SMC3: variants seen among roughly 807,000 people sequenced by gnomAD.
SMC3 encodes the protein structural maintenance of chromosomes protein 3.
Under a neutral mutation model 171.8 loss-of-function variants are expected in SMC3, and 20 were observed. The ratio of observed to expected loss-of-function variants is 0.12; its 90% confidence interval spans 0.08 to 0.17. The LOEUF (loss-of-function observed/expected upper bound fraction) is 0.17. Among genes scored for constraint, SMC3 ranks in the 10% least tolerant of loss-of-function variants. The probability of loss-of-function intolerance (pLI) is 1.00; values close to 1 mark genes in which losing one functional copy is unlikely to be tolerated. For missense variants in SMC3, 543 were observed against 1,420.4 expected, an observed-to-expected ratio of 0.38 and a Z score of 9.93; for synonymous variants, 464 against 451.1, an observed-to-expected ratio of 1.03 and a Z score of -0.36.
intron 13 of SMC3, among the ~76,000 whole-genome samples, chr10:110,586,213 C>A (rs753968121): frequency 3.3e-5 from 5 of 152,170 alleles, no homozygotes; most frequent in Non-Finnish European, 5.9e-5. Context: ...CATATTCTCA[C>A]TTTACATAAA....
chr10:110,580,504 T>G (rs904493239), intron 7 of SMC3, among the ~76,000 whole-genome samples: 3 of 152,316 alleles, frequency 2.0e-5, no homozygotes, highest in Middle Eastern at 3.4e-3. Flanking sequence ...TAAATTTCAT[T>G]TAAGTAAAGG....
chr10:110,590,162 ATACTAT>A (rs370731320), intron 15 of SMC3, among the ~76,000 whole-genome samples, 171 bp downstream of exon 15: 499 of 152,350 alleles, frequency 3.3e-3, no homozygotes, highest in Non-Finnish European at 5.2e-3. Context: ...ATTACTACAC[ATACTAT>A]TAATAGCACT....
intron 28 of SMC3, among the ~76,000 whole-genome samples, 154 bp downstream of exon 28, chr10:110,603,444 T>C (rs531174864): frequency 1.3e-5 from 2 of 151,344 alleles, no homozygotes; most frequent in South Asian, 4.2e-4. Context: ...CAAATAACTA[T>C]GAAGTTTAGC....
At chr10:110,596,276 G>C (rs994507207) in intron 18 of SMC3, 122 bp from the exon 19 acceptor site, 25 of 922,084 alleles carry the variant, frequency 2.7e-5, no homozygotes, top group African/African-American at 5.2e-5. Flanking sequence ...TTTCAGGGTG[G>C]TTTAAATTAC....
At chr10:110,585,291 T>A (rs1861093101) in intron 13 of SMC3, among the ~76,000 whole-genome samples, 3 of 91,962 alleles carry the variant, frequency 3.3e-5, no homozygotes, top group African/African-American at 1.7e-4. Context: ...ATAGTAACAA[T>A]TTTTTTTTTT....
Position 110,580,946 on chromosome 10 carries a change from C to A in SMC3, c.472C>A (p.Leu158Ile). ...AGCACCAGATTCTCAGAGATTAAAG[C>A]TATTAAGAGAAGTAGCTGGTACTAG... ...ATAPDSQRLK[L>I]LREVAGTRVY... Residue 158 changes from leucine to isoleucine, a missense_variant, in exon 8 of 29, where the codon CTA becomes ATA. Around this residue, in one of 8 missense-constraint regions of SMC3, gnomAD observed 146 missense variants for 437.9 expected, o/e 0.33. Transcript: ENST00000361804. The A allele has an allele frequency of 6.2e-7, 1 of 1,611,304 alleles. No homozygotes were observed. Among genetic ancestry groups the A allele is most frequent in the Non-Finnish European group, 8.5e-7 (1 of 1,177,530 alleles).
rs1564796639 is a variant in SMC3, at chr10:110,604,212, T to C, written c.3583-19T>C. ...CTGATGTAATTAACAGATTTTTGTT[T>C]TTAACATTTATTCTTCAGGTTAGTC... On this transcript the variant is annotated intron_variant, in intron 28 of 28. Transcript: ENST00000361804. 1 of 1,593,970 alleles carries C rather than the reference T, an allele frequency of 6.3e-7. No individual in the cohort carries two copies. Among genetic ancestry groups the C allele is most frequent in the Admixed American group, 1.7e-5 (1 of 60,000 alleles).
At chr10:110,596,295 CTCATTA>C in intron 18 of SMC3, 97 bp from the exon 19 acceptor site, 1 of 1,015,584 alleles carries the variant, frequency 9.8e-7, no homozygotes, top group South Asian at 2.0e-5. Flanking sequence ...ACTTTCAATT[CTCATTA>C]TCTACTTAAA....
At position 110,574,905 on chromosome 10, in the gene SMC3, G is replaced by A. The variant is rs117766148; in HGVS notation, c.131-431G>A. On this transcript the variant is annotated intron_variant, in intron 3 of 28. Transcript: ENST00000361804. ...TATTTCCTTAGTTTTATTTCTTTTG[G>A]TAAAGTATCCACTTAAGCATATTCT... 3.6e-3 allele frequency among the ~76,000 whole-genome samples: 549 copies of A among 152,198 alleles called. 21 individuals carry two copies. The East Asian group carries it at 0.091, about 25-fold the overall frequency.
Position 110,583,443 on chromosome 10 carries a change from A to G in SMC3, c.864A>G (p.Lys288=). 2 of 1,614,166 alleles carry G rather than the reference A, an allele frequency of 1.2e-6. No individual in the cohort carries two copies. Among genetic ancestry groups the G allele is most frequent in the Middle Eastern group, 3.3e-4 (2 of 6,058 alleles). The change falls in exon 11 of 29, where the codon AAA becomes AAG. Residue 288 remains lysine (K), a synonymous_variant. Transcript: ENST00000361804. Reference sequence around the variant, plus strand: ...AAATTTCAGCTATGAAAGAAGAAAAAGAACAGCTTAGTGCTGAAAGACAAG... The same window carrying G: ...AAATTTCAGCTATGAAAGAAGAAAAGGAACAGCTTAGTGCTGAAAGACAAG... ...KTKISAMKEE[K]EQLSAERQEQ...
intron 13 of SMC3, among the ~76,000 whole-genome samples, chr10:110,584,708 C>T (rs775064875): frequency 9.9e-5 from 15 of 152,208 alleles, no homozygotes; most frequent in South Asian, 4.1e-4. Flanking sequence ...TCACTGCAGC[C>T]TCCACCTTCC....
intron 23 of SMC3, 55 bp from the exon 24 acceptor site, chr10:110,601,582 A>AT (rs1861387897): frequency 8.3e-6 from 13 of 1,566,664 alleles, no homozygotes; most frequent in Non-Finnish European, 1.1e-5. Flanking sequence ...TATACTCAAC[A>AT]TATAACACTG....
At chr10:110,603,038 C>T (rs1297902157) in intron 27 of SMC3, 36 bp downstream of exon 27, 4 of 1,605,412 alleles carry the variant, frequency 2.5e-6, no homozygotes, top group East Asian at 2.2e-5. Context: ...TTGTATTTAA[C>T]AATAAGCTGG....
At chr10:110,584,076 CTT>C (rs1444494881) in intron 12 of SMC3, 105 bp from the exon 13 acceptor site, 1 of 1,530,260 alleles carries the variant, frequency 6.5e-7, no homozygotes, top group African/African-American at 1.4e-5. Context: ...CTTTTTGTAT[CTT>C]TTTGAAAAAT....
rs200928191 is a variant in SMC3, at chr10:110,604,333, T to C, written c.*31T>C. On this transcript the variant is annotated 3_prime_UTR_variant, in exon 29 of 29. Transcript: ENST00000361804. ...AAATACTACCTACTGGTTTGGGAGA[T>C]GTATATAGTAATATGATTCTCATAC... 8.3e-6 allele frequency: 12 copies of C among 1,448,188 alleles called. No homozygotes were observed. Among genetic ancestry groups the C allele is most frequent in the Non-Finnish European group, 9.7e-7 (1 of 1,030,862 alleles). The allele number at this position is 1,448,188 out of a possible 1,614,324, so 89.7% of individuals were successfully genotyped here.
intron 18 of SMC3, 54 bp downstream of exon 18, chr10:110,593,277 A>C: frequency 1.3e-6 from 2 of 1,578,796 alleles, no homozygotes; most frequent in Non-Finnish European, 8.7e-7. Context: ...AAATCATTTA[A>C]AACATATAAT....
chr10:110,597,463 T>C (rs531335450), intron 19 of SMC3, among the ~76,000 whole-genome samples: 2 of 152,306 alleles, frequency 1.3e-5, no homozygotes, highest in South Asian at 4.1e-4. Context: ...AGATATAAAG[T>C]TAATGATTTT....
Position 110,598,159 on chromosome 10 carries a change from C to G in SMC3, c.2137C>G (p.Gln713Glu). Residue 713 changes from glutamine (Q) to glutamate (E), a missense_variant, in exon 20 of 29, where the codon CAG (glutamine) becomes GAG (glutamate). Coordinates refer to ENST00000361804, the MANE Select transcript of SMC3 (RefSeq NM_005445.4). ...TATATGGATTAATAATGAAATTGATCAGTTGATGAACCAAATGCAACAGAT... is the reference window on the plus strand; with the variant it reads ...TATATGGATTAATAATGAAATTGATGAGTTGATGAACCAAATGCAACAGAT... ...NIERINNEID[Q>E]LMNQMQQIET... is the part of the protein sequence containing the mutation. 6.2e-7 allele frequency: 1 copy of G among 1,613,662 alleles called. No individual in the cohort carries two copies. Among genetic ancestry groups the G allele is most frequent in the Non-Finnish European group, 8.5e-7 (1 of 1,179,828 alleles).
chr10:110,597,695 C>A (rs935006449), intron 19 of SMC3, among the ~76,000 whole-genome samples: 2 of 152,262 alleles, frequency 1.3e-5, no homozygotes, highest in African/African-American at 4.8e-5. Context: ...TGTATACCAG[C>A]TGTCTTCCTG....
Sources: gnomAD v4.1 joint callset for allele counts (sites outside exome capture counted in the v4.1 genomes callset) on GRCh38, gnomAD v4.1.1 for gene constraint, gnomAD v4.1.1 regional missense constraint, MANE v1.5 for transcripts, NCBI Gene and HGNC (gene_info 2026-07-23, HGNC 2026-07-21) for gene names.